GMDS: variants seen among roughly 807,000 people sequenced by gnomAD.
The protein encoded by GMDS is GDP-mannose 4,6-dehydratase.
GMDS carries 20 observed loss-of-function variants against 49.9 expected under a neutral mutation model. The ratio of observed to expected loss-of-function variants is 0.40; its 90% CI spans 0.28 to 0.58. GMDS has a LOEUF of 0.58. GMDS is among the 20% of genes least tolerant of loss of function. The pLI, the probability that GMDS is intolerant of heterozygous loss-of-function variation, is 0.42. For synonymous variants in GMDS, 177 were observed against 178.6 expected (o/e 0.99, Z 0.07); for missense variants, 362 against 481.4 (o/e 0.75, Z 2.32).
chr6:2,128,096 G>C (rs968502741), intron 1 of GMDS, among the ~76,000 whole-genome samples: 3 of 151,480 alleles, frequency 2.0e-5, no homozygotes, highest in Non-Finnish European at 4.4e-5. Flanking sequence ...GCTATTAAGG[G>C]TATCTATTTT....
At chr6:1,783,852 T>A (rs887851835) in intron 7 of GMDS, among the ~76,000 whole-genome samples, 1 of 152,138 alleles carries the variant, frequency 6.6e-6, no homozygotes, top group Non-Finnish European at 1.5e-5. Flanking sequence ...TTGTACTTAG[T>A]GACAGAAACA....
At chr6:2,223,862 G>A (rs901799036) in intron 1 of GMDS, among the ~76,000 whole-genome samples, 1 of 152,200 alleles carries the variant, frequency 6.6e-6, no homozygotes, top group African/African-American at 2.4e-5. Flanking sequence ...AAGGCTTTGG[G>A]ATTCACAAGG....
intron 4 of GMDS, among the ~76,000 whole-genome samples, chr6:2,016,244 G>C (rs1450104865): frequency 1.3e-5 from 2 of 149,322 alleles, no homozygotes; most frequent in African/African-American, 4.9e-5. Flanking sequence ...AGGCAACAGA[G>C]CAAGGCTCGG....
At chr6:1,935,876 C>T (rs934736337) in intron 6 of GMDS, among the ~76,000 whole-genome samples, 6 of 152,228 alleles carry the variant, frequency 3.9e-5, no homozygotes, top group Non-Finnish European at 7.4e-5. Context: ...TAAAATATTA[C>T]TATTCCTATT....
chr6:1,828,749 C>T (rs1771233078), intron 7 of GMDS, among the ~76,000 whole-genome samples: 1 of 152,210 alleles, frequency 6.6e-6, no homozygotes. Flanking sequence ...TAAGAAAGTT[C>T]ATTACCACTA....
chr6:2,239,659 A>G (rs759726215), intron 1 of GMDS, among the ~76,000 whole-genome samples: 2 of 151,916 alleles, frequency 1.3e-5, no homozygotes, highest in Non-Finnish European at 2.9e-5. Flanking sequence ...AGTACTCAAG[A>G]CATCTCTCTC....
At chr6:2,193,581 G>A (rs1779146858) in intron 1 of GMDS, among the ~76,000 whole-genome samples, 1 of 152,134 alleles carries the variant, frequency 6.6e-6, no homozygotes, top group Non-Finnish European at 1.5e-5. Context: ...GTCATAAAAA[G>A]GGTATATGGA....
intron 4 of GMDS, among the ~76,000 whole-genome samples, chr6:2,027,873 A>G (rs1322088775): frequency 1.3e-5 from 2 of 152,164 alleles, no homozygotes; most frequent in Non-Finnish European, 2.9e-5. Flanking sequence ...TATTAATCAA[A>G]TTGGCTTTCT....
At chr6:2,072,645 C>T (rs2127460290) in intron 4 of GMDS, among the ~76,000 whole-genome samples, 1 of 152,282 alleles carries the variant, frequency 6.6e-6, no homozygotes, top group African/African-American at 2.4e-5. Flanking sequence ...TTAGGACAAG[C>T]AGTAGATCCT....
At chr6:1,982,076 G>A (rs12204564) in intron 4 of GMDS, among the ~76,000 whole-genome samples, 59,326 of 151,974 alleles carry the variant, frequency 0.39, 11,671 homozygotes, top group Middle Eastern at 0.45. Context: ...AGGCTGAGGC[G>A]GGTGGATCAC....
chr6:1,931,378 C>T (rs1762277526), intron 6 of GMDS, among the ~76,000 whole-genome samples: 1 of 152,226 alleles, frequency 6.6e-6, no homozygotes, highest in Admixed American at 6.5e-5. Context: ...ACACCAGATT[C>T]ACTTACTCCA....
chr6:1,704,022 C>T (rs1345162594), intron 9 of GMDS, among the ~76,000 whole-genome samples: 1 of 152,192 alleles, frequency 6.6e-6, no homozygotes, highest in Non-Finnish European at 1.5e-5. Flanking sequence ...TCATTCATCA[C>T]CCTATTCATC....
intron 6 of GMDS, among the ~76,000 whole-genome samples, chr6:1,953,304 G>A (rs892352038): frequency 6.6e-6 from 1 of 151,958 alleles, no homozygotes; most frequent in African/African-American, 2.4e-5. Flanking sequence ...ACTGAAAACT[G>A]AAAAATCACA....
chr6:1,702,131 C>A (rs143580643), intron 9 of GMDS, among the ~76,000 whole-genome samples: 1 of 152,250 alleles, frequency 6.6e-6, no homozygotes, highest in Non-Finnish European at 1.5e-5. Flanking sequence ...TCAGAGCTGG[C>A]GGTTTTCTCA....
intron 9 of GMDS, among the ~76,000 whole-genome samples, chr6:1,707,635 C>CAT (rs1765786074): frequency 6.6e-6 from 1 of 151,554 alleles, no homozygotes. Context: ...CCACCACACA[C>CAT]AGGCCTGGGA....
intron 2 of GMDS, among the ~76,000 whole-genome samples, chr6:2,117,875 T>G (rs1045454875): frequency 6.6e-6 from 1 of 152,192 alleles, no homozygotes; most frequent in African/African-American, 2.4e-5. Context: ...AAAAATATCT[T>G]TTCCATTTGA....
chr6:1,793,345 G>A (rs1769614495), intron 7 of GMDS, among the ~76,000 whole-genome samples: 1 of 152,194 alleles, frequency 6.6e-6, no homozygotes, highest in African/African-American at 2.4e-5. Flanking sequence ...GAGCTTAAGA[G>A]TTCCAGCTCA....
chr6:1,977,583 G>A lies in GMDS; in HGVS notation c.346-16617C>T, dbSNP rs542605646. ...AATACCTAGGTTATCGCATTGGAAC[G>A]GACTAGGAAAACAACTCAACCCATG... On this transcript the variant is annotated intron_variant, in intron 4 of 10. Coordinates refer to ENST00000380815, the MANE Select transcript of GMDS (RefSeq NM_001500.4). Among the ~76,000 whole-genome samples, 9 of 152,264 alleles carry A rather than the reference G, an allele frequency of 5.9e-5. No homozygotes were observed. The South Asian group carries it at 8.3e-4, about 14-fold the overall frequency.
At chr6:2,212,115 T>C (rs754986668) in intron 1 of GMDS, among the ~76,000 whole-genome samples, 8 of 152,246 alleles carry the variant, frequency 5.3e-5, no homozygotes, top group South Asian at 2.1e-4. Context: ...TGTAATTCAA[T>C]TGATTAAGAA....
Sources: allele counts gnomAD v4.1 joint callset (sites outside exome capture counted in the v4.1 genomes callset), GRCh38; gene constraint gnomAD v4.1.1; transcripts MANE v1.5; gene names NCBI Gene and HGNC (gene_info 2026-07-23, HGNC 2026-07-21).